IFT81: variants seen among roughly 807,000 people sequenced by gnomAD.
IFT81 encodes intraflagellar transport 81.
Under a neutral mutation model 102.6 loss-of-function variants are expected in IFT81, and 72 were observed. The observed-to-expected ratio is 0.70, with a 90% CI of 0.58 to 0.85. The LOEUF is 0.85. Ranked by LOEUF, IFT81 falls within the 40% of genes least tolerant of loss-of-function variation. The probability of loss-of-function intolerance (pLI) is 0.00; values close to 1 mark genes in which losing one functional copy is unlikely to be tolerated. For synonymous variants in IFT81, 237 were observed against 242.7 expected, an observed-to-expected ratio of 0.98 and a Z score of 0.22; for missense variants, 723 against 787.3, an observed-to-expected ratio of 0.92 and a Z score of 0.98.
chr12:110,187,745 C>T (rs1897599380), intron 12 of IFT81, among the ~76,000 whole-genome samples: 1 of 151,998 alleles, frequency 6.6e-6, no homozygotes, highest in Admixed American at 6.6e-5. Flanking sequence ...TTGAGGGTAG[C>T]TTTTTTGTTT....
At chr12:110,179,938 A>G (rs977686959) in intron 11 of IFT81, among the ~76,000 whole-genome samples, 8 of 149,650 alleles carry the variant, frequency 5.3e-5, no homozygotes, top group African/African-American at 1.9e-4. Flanking sequence ...TTTGGTCTCA[A>G]ACAAATAAAT....
At chr12:110,186,566 T>C (rs551117812) in intron 12 of IFT81, among the ~76,000 whole-genome samples, 1 of 152,136 alleles carries the variant, frequency 6.6e-6, no homozygotes, top group African/African-American at 2.4e-5. Flanking sequence ...CAGGCTGGAG[T>C]GCAGTGGTGT....
In IFT81 at chr12:110,187,517, G is replaced by A. The variant is rs139782065; in HGVS notation, c.1339-3403G>A. On this transcript the variant is annotated intron_variant, in intron 12 of 18. Transcript: ENST00000242591. ...TGACTTCAAGTGATCTGCCCTTCTC[G>A]GCCTCCCAAAGTGATGGGATTACAT... Among the ~76,000 whole-genome samples, 134 of 152,102 alleles carry A rather than the reference G, an allele frequency of 8.8e-4. 1 individual carries two copies. In the East Asian group the frequency reaches 0.021, roughly 23 times the overall value.
intron 11 of IFT81, among the ~76,000 whole-genome samples, chr12:110,173,212 G>A (rs1432584936): frequency 4.7e-5 from 7 of 147,772 alleles, no homozygotes; most frequent in Non-Finnish European, 1.1e-4. Context: ...CGGGAGGGAG[G>A]TGGGGGTTCA....
rs747654789 is a variant in IFT81 at position 110,205,667 on chromosome 12, A to G, written c.1789A>G (p.Arg597Gly). ...TATCTCTTCTGATCAACAAGAAAAA[A>G]GAAAGGCAATTAGGCAAGTGATTTT... The part of the protein sequence containing the change: ...AYISSDQQEK[R>G]KAIREQYTKN... The change falls in exon 17 of 19, where the codon AGA (arginine) becomes GGA (glycine). Residue 597 changes from arginine to glycine, a missense_variant. Coordinates refer to ENST00000242591, the MANE Select transcript of IFT81 (RefSeq NM_014055.4). The G allele has an allele frequency of 6.3e-7, 1 of 1,587,402 alleles. No homozygotes were observed. Among genetic ancestry groups the G allele is most frequent in the South Asian group, 1.2e-5 (1 of 83,386 alleles).
intron 18 of IFT81, among the ~76,000 whole-genome samples, chr12:110,211,189 T>TTTTTTTTG (rs1228950735): frequency 1.4e-5 from 2 of 145,078 alleles, no homozygotes; most frequent in African/African-American, 5.3e-5. Flanking sequence ...TTTTTTTTTT[T>TTTTTTTTG]TTTTTTTGGC....
chr12:110,149,927 T>A (rs937326303), intron 10 of IFT81, among the ~76,000 whole-genome samples: 8 of 152,166 alleles, frequency 5.3e-5, no homozygotes, highest in Admixed American at 4.6e-4. Flanking sequence ...AATGCAACAT[T>A]TGGGCATGAA....
chr12:110,139,752 C>A lies in IFT81; in HGVS notation c.781+2892C>A, dbSNP rs533218341. 2.7e-5 allele frequency among the ~76,000 whole-genome samples: 4 copies of A among 147,190 alleles called. No individual in the cohort carries two copies. The East Asian group carries it at 8.0e-4, about 29-fold the overall frequency. The stretch of plus-strand genomic sequence containing the variant: ...TCACGCCACTGCACTCCAGCCTGGG[C>A]GACAGAGTGAGACTCCATCTCAAAA... On this transcript the variant is annotated intron_variant, in intron 8 of 18. Coordinates refer to ENST00000242591, the MANE Select transcript of IFT81 (RefSeq NM_014055.4).
At chr12:110,170,589 G>C (rs1896684538) in intron 11 of IFT81, among the ~76,000 whole-genome samples, 1 of 152,194 alleles carries the variant, frequency 6.6e-6, no homozygotes, top group Non-Finnish European at 1.5e-5. Context: ...TGCAGTACTA[G>C]TACCCTTCCC....
At chr12:110,217,586 A>G (rs1248677075) in intron 18 of IFT81, among the ~76,000 whole-genome samples, 4 of 151,936 alleles carry the variant, frequency 2.6e-5, no homozygotes, top group African/African-American at 9.7e-5. Flanking sequence ...TCTTTGAGAC[A>G]GAGTCTTGCT....
Position 110,205,335 on chromosome 12 carries a change from A to C in IFT81, c.1645-108A>C, listed in dbSNP as rs1868473470. On this transcript the variant is annotated intron_variant, in intron 15 of 18. Transcript: ENST00000242591. ...GAATAAACAAAGTTAAAATTGCAGA[A>C]GAGGAAATGACTCTGATGGTAGTCC... 5 of 1,218,290 alleles carry C rather than the reference A, an allele frequency of 4.1e-6. No homozygotes were observed. The South Asian group carries it at 7.3e-5, about 18-fold the overall frequency. The allele number at this position is 1,218,290 out of a possible 1,614,324, so 75.5% of individuals were successfully genotyped here.
intron 11 of IFT81, among the ~76,000 whole-genome samples, chr12:110,165,745 C>G (rs1390793649): frequency 1.3e-5 from 2 of 152,200 alleles, no homozygotes; most frequent in Non-Finnish European, 2.9e-5. Flanking sequence ...CAGGACCTCT[C>G]TAAGATCTGT....
intron 9 of IFT81, 111 bp from the exon 10 acceptor site, chr12:110,146,842 C>T: frequency 7.7e-7 from 1 of 1,299,360 alleles, no homozygotes; most frequent in East Asian, 2.9e-5. Context: ...GAGACCTTGT[C>T]TTTAAAAAAA....
At chr12:110,171,321 G>A (rs1896715227) in intron 11 of IFT81, among the ~76,000 whole-genome samples, 1 of 151,744 alleles carries the variant, frequency 6.6e-6, no homozygotes, top group African/African-American at 2.4e-5. Context: ...GCACCCGTTA[G>A]AGATAGTAAC....
chr12:110,216,681 T>G (rs1870179319), intron 18 of IFT81: 1 of 431,994 alleles, frequency 2.3e-6, no homozygotes, highest in Non-Finnish European at 4.6e-6. Context: ...CGGCTAATTT[T>G]TGTATTTCAT....
chr12:110,185,361 AT>A lies in IFT81; in HGVS notation c.1338+4800del, dbSNP rs77060966. On this transcript the variant is annotated intron_variant, in intron 12 of 18. Transcript: ENST00000242591. ...CCACTATGCCCAACTATTTTTTTGT[AT>A]TTTTTTTTTAGTAGAGACGGGGTTT... Among the ~76,000 whole-genome samples, 1,380 of 146,488 alleles carry A rather than the reference AT, an allele frequency of 9.4e-3. 4 individuals carry two copies. Among genetic ancestry groups the A allele is most frequent in the Non-Finnish European group, 9.8e-3 (649 of 66,106 alleles).
At chr12:110,216,296 C>T (rs1870114967) in intron 18 of IFT81, among the ~76,000 whole-genome samples, 2 of 149,714 alleles carry the variant, frequency 1.3e-5, no homozygotes, top group South Asian at 4.3e-4. Context: ...CTCAAGTGAC[C>T]CTTCCACCTC....
At chr12:110,198,961 AC>A (rs1898138045) in intron 14 of IFT81, among the ~76,000 whole-genome samples, 1 of 151,648 alleles carries the variant, frequency 6.6e-6, no homozygotes, top group African/African-American at 2.4e-5. Context: ...AGGCATGCGC[AC>A]CACGCCTGGC....
intron 8 of IFT81, among the ~76,000 whole-genome samples, chr12:110,142,436 G>T: frequency 6.6e-6 from 1 of 152,082 alleles, no homozygotes; most frequent in Non-Finnish European, 1.5e-5. Context: ...CAAAGTGCTG[G>T]AATTACAGGC....
Sources: gnomAD v4.1 joint callset for allele counts (sites outside exome capture counted in the v4.1 genomes callset) on GRCh38, gnomAD v4.1.1 for gene constraint, MANE v1.5 for transcripts, NCBI Gene and HGNC (gene_info 2026-07-23, HGNC 2026-07-21) for gene names.